PCDHGA7: variants seen among roughly 807,000 people sequenced by gnomAD.
PCDHGA7 encodes the protein protocadherin gamma subfamily A, 7.
In PCDHGA7, 44 loss-of-function variants were observed where a neutral mutation model predicts 58.3. The ratio of observed to expected loss-of-function variants is 0.75; its 90% CI spans 0.59 to 0.97. PCDHGA7 has a LOEUF of 0.97. PCDHGA7 is among the 50% of genes least tolerant of loss of function. The probability of loss-of-function intolerance (pLI) is 0.00; values close to 1 mark genes in which losing one functional copy is unlikely to be tolerated. For synonymous variants in PCDHGA7, 516 were observed against 504.2 expected (o/e 1.02, Z -0.31); for missense variants, 1,266 against 1,188.7 (o/e 1.06, Z -0.96).
intron 1 of PCDHGA7, among the ~76,000 whole-genome samples, chr5:141,461,881 T>C (rs2099025428): frequency 6.6e-6 from 1 of 152,060 alleles, no homozygotes. Flanking sequence ...TGGAGTGCAA[T>C]GGCACGATCT....
At chr5:141,434,323 T>G (rs578049856) in intron 1 of PCDHGA7, among the ~76,000 whole-genome samples, 1 of 152,358 alleles carries the variant, frequency 6.6e-6, no homozygotes, top group South Asian at 2.1e-4. Flanking sequence ...CTCTTGCTGC[T>G]TGTCTCTTTG....
rs146358809 is a variant in PCDHGA7, at chr5:141,480,913, C to T, written c.2425-13894C>T. 4.1e-3 allele frequency among the ~76,000 whole-genome samples: 617 copies of T among 152,096 alleles called. 6 individuals are homozygous for T. Among genetic ancestry groups the T allele is most frequent in the Admixed American group, 0.011 (171 of 15,272 alleles). ...TGCAAACATTAGCTGGGCATGGTGG[C>T]GCATACCTGTAGTCCCAGCTACTCT... On this transcript the variant is annotated intron_variant, in intron 1 of 3. Transcript: ENST00000518325.
At chr5:141,422,576 C>T in intron 1 of PCDHGA7, 1 of 1,614,034 alleles carries the variant, frequency 6.2e-7, no homozygotes, top group South Asian at 1.1e-5. Context: ...AACGATAACC[C>T]TCCCGTTTTT....
rs1252206948 is a variant in PCDHGA7, at chr5:141,384,394, G to C, written c.1495G>C (p.Ala499Pro). The C allele has an allele frequency of 1.2e-6, 2 of 1,613,814 alleles. No homozygotes were observed. The highest frequency in any genetic ancestry group is 1.7e-6 in the Non-Finnish European group (2 of 1,179,902). ...CTTGGCCGAAGACACCATCCAGGGG[G>C]CTCCAGTGTCCTCCTATGTCTCCAT... ...YSLAEDTIQG[A>P]PVSSYVSINS... The change falls in exon 1 of 4, where the codon GCT becomes CCT. Residue 499 changes from alanine to proline, a missense_variant. By Grantham distance (27) the Ala-to-Pro change is conservative. Transcript: ENST00000518325.
At chr5:141,401,059 G>T (rs1418485253) in intron 1 of PCDHGA7, among the ~76,000 whole-genome samples, 2 of 152,082 alleles carry the variant, frequency 1.3e-5, no homozygotes, top group Non-Finnish European at 2.9e-5. Flanking sequence ...AATACTATAT[G>T]TTGGCTGGGT....
At chr5:141,387,732 C>A (rs940812767) in intron 1 of PCDHGA7, 15 of 1,279,330 alleles carry the variant, frequency 1.2e-5, no homozygotes, top group South Asian at 1.6e-5. Context: ...CAGCGCCAGC[C>A]TTTACACCGC....
chr5:141,385,593 C>T lies in PCDHGA7; in HGVS notation c.2424+270C>T. On this transcript the variant is annotated intron_variant, in intron 1 of 3. Transcript: ENST00000518325. ...ACTTTCCAATCTATGTTCCAACCTA[C>T]TTTCTTAACTCATATATTTTATACA... is the stretch of plus-strand genomic sequence containing the variant. The T allele has an allele frequency of 2.4e-6, 3 of 1,235,054 alleles. No individual in the cohort carries two copies. The South Asian group carries it at 7.5e-5, about 31-fold the overall frequency. The allele number at this position is 1,235,054 out of a possible 1,614,324, so 76.5% of individuals were successfully genotyped here. A position where few individuals can be genotyped will look rare whatever the true frequency, so the allele number is the denominator to read the frequency against.
Position 141,384,541 on chromosome 5 carries a change from C to T in PCDHGA7, c.1642C>T (p.Leu548=). ...CCCGCCTCTCAGCAGCAACATGTCA[C>T]TGAGCCTGTTCGTGCTGGACCAGAA... ...GDPPLSSNMS[L]SLFVLDQNDN... is the part of the protein sequence containing the mutation. The change falls in exon 1 of 4, where the codon CTG becomes TTG. Residue 548 remains leucine (L), a synonymous_variant. Coordinates refer to ENST00000518325, the MANE Select transcript of PCDHGA7 (RefSeq NM_018920.4). 2 of 1,614,264 alleles carry T rather than the reference C, an allele frequency of 1.2e-6. No individual in the cohort carries two copies. The highest frequency in any genetic ancestry group is 1.7e-6 in the Non-Finnish European group (2 of 1,180,044).
At position 141,382,904 on chromosome 5, in the gene PCDHGA7, C is replaced by T. The variant is rs1286843210; in HGVS notation, c.5C>T (p.Ala2Val). 1.9e-6 allele frequency: 3 copies of T among 1,543,132 alleles called. No individual in the cohort carries two copies. Among genetic ancestry groups the T allele is most frequent in the Non-Finnish European group, 1.7e-6 (2 of 1,146,398 alleles). ...AGCAAGAGAAGCAGGACGACTATGG[C>T]GGCTCAGCCGAGGGGCGGGGACTAC... M[A>V]AQPRGGDYRG... Residue 2 changes from alanine to valine, a missense_variant, in exon 1 of 4, where the codon GCG (alanine) becomes GTG (valine). Ala to Val is a moderately conservative substitution (Grantham distance 64). Transcript: ENST00000518325.
At chr5:141,410,235 G>T (rs753193390) in intron 1 of PCDHGA7, 1 of 1,613,852 alleles carries the variant, frequency 6.2e-7, no homozygotes, top group Non-Finnish European at 8.5e-7. Context: ...CTCAGCGACC[G>T]CCCTGTACTC....
At chr5:141,480,298 C>G (rs1238380283) in intron 1 of PCDHGA7, among the ~76,000 whole-genome samples, 1 of 132,676 alleles carries the variant, frequency 7.5e-6, no homozygotes, top group Non-Finnish European at 1.6e-5. Flanking sequence ...ACCTGTGGTA[C>G]CAGCTACTTG....
At chr5:141,505,983 C>G (rs1235662535) in intron 3 of PCDHGA7, among the ~76,000 whole-genome samples, 1 of 152,148 alleles carries the variant, frequency 6.6e-6, no homozygotes, top group Non-Finnish European at 1.5e-5. Context: ...GAGAGAACAC[C>G]TCCTCTTTAT....
rs1001516677 is a variant in PCDHGA7 at position 141,399,747 on chromosome 5, A to G, written c.2424+14424A>G. On this transcript the variant is annotated intron_variant, in intron 1 of 3. Coordinates refer to ENST00000518325, the MANE Select transcript of PCDHGA7 (RefSeq NM_018920.4). The stretch of plus-strand genomic sequence containing the variant: ...ACCAGGGCTCGCCTGCGCTCAGCGC[A>G]AACGTGAGCCTGCGCGTGTTGGTGG... 3.7e-6 allele frequency: 6 copies of G among 1,613,228 alleles called. No homozygotes were observed. In the African/African-American group the frequency reaches 6.7e-5, roughly 18 times the overall value.
chr5:141,417,732 C>T (rs2096153715), intron 1 of PCDHGA7: 4 of 1,390,342 alleles, frequency 2.9e-6, no homozygotes, highest in Admixed American at 2.8e-5. Context: ...AGACCTTGCC[C>T]AGCACACCAG....
At position 141,432,395 on chromosome 5, in the gene PCDHGA7, G is replaced by T. The variant is rs748660079; in HGVS notation, c.2424+47072G>T. On this transcript the variant is annotated intron_variant, in intron 1 of 3. Coordinates refer to ENST00000518325, the MANE Select transcript of PCDHGA7 (RefSeq NM_018920.4). This position sits in a 1 kb window ranked among gnomAD's most constrained non-coding sequence, Gnocchi z 6.0. ...CGGGCACCCGCCCCTCAGCAGCAAC[G>T]TGTCGTTGAGCCTGTTCGTGCTGGA... 5 of 1,614,242 alleles carry T rather than the reference G, an allele frequency of 3.1e-6. No individual in the cohort carries two copies. In the East Asian group the frequency reaches 8.9e-5, roughly 29 times the overall value.
intron 1 of PCDHGA7, 191 bp downstream of exon 1, chr5:141,385,514 G>T: frequency 7.3e-7 from 1 of 1,363,606 alleles, no homozygotes; most frequent in Non-Finnish European, 9.5e-7. Context: ...TTTAGTGAAA[G>T]CCTATGGACA....
chr5:141,476,951 A>C lies in PCDHGA7; in HGVS notation c.2425-17856A>C. On this transcript the variant is annotated intron_variant, in intron 1 of 3. Coordinates refer to ENST00000518325, the MANE Select transcript of PCDHGA7 (RefSeq NM_018920.4). The surrounding 1 kb of genome is among the most constrained non-coding windows in gnomAD (Gnocchi z 7.6). ...TCTGGATGAAGGCCCCAACGGTGAA[A>C]TTATTTACTCCTTCGGCAGCCACAA... 6.2e-7 allele frequency: 1 copy of C among 1,614,184 alleles called. No individual in the cohort carries two copies. Among genetic ancestry groups the C allele is most frequent in the South Asian group, 1.1e-5 (1 of 91,088 alleles).
Position 141,489,088 on chromosome 5 carries a change from G to GCCA in PCDHGA7, c.2425-5719_2425-5718insCCA. ...CCCCTGCCCACCCCCGCCACTCGGTGACTAAGAACTGCTGCAAGCAGGCAA... is the reference window on the plus strand; with the variant it reads ...CCCCTGCCCACCCCCGCCACTCGGTGCCAACTAAGAACTGCTGCAAGCAGGCAA... On this transcript the variant is annotated intron_variant, in intron 1 of 3. Coordinates refer to ENST00000518325, the MANE Select transcript of PCDHGA7 (RefSeq NM_018920.4). This position sits in a 1 kb window ranked among gnomAD's most constrained non-coding sequence, Gnocchi z 4.5. The GCCA allele has an allele frequency of 2.9e-6, 1 of 347,238 alleles. No individual in the cohort carries two copies. 21.5% of individuals were successfully genotyped at this position (347,238 alleles called of 1,614,324 possible). A position where few individuals can be genotyped will look rare whatever the true frequency, so the allele number is the denominator to read the frequency against.
At chr5:141,414,844 C>T (rs769714220) in intron 1 of PCDHGA7, 3 of 1,614,216 alleles carry the variant, frequency 1.9e-6, no homozygotes, top group South Asian at 2.2e-5. Flanking sequence ...CCTGTTTGTG[C>T]TGGACCAGAA....
Sources: allele counts gnomAD v4.1 joint callset (sites outside exome capture counted in the v4.1 genomes callset), GRCh38; gene constraint gnomAD v4.1.1; non-coding constraint Gnocchi (gnomAD v3.1); transcripts MANE v1.5; gene names NCBI Gene and HGNC (gene_info 2026-07-23, HGNC 2026-07-21).